The following ZNF722 variants were observed in gnomAD, a reference collection of about 807,000 sequenced individuals.
ZNF722 encodes zinc finger protein 479 pseudogene.
the ZNF722 span, among the ~76,000 whole-genome samples, chr7:64,007,221 T>TG: frequency 0.41 from 54,401 of 133,752 alleles, 11,541 homozygotes; most frequent in Non-Finnish European, 0.47. Context: ...CATTTGTGTG[T>TG]TTGTGTGTGT....
chr7:64,005,050 G>T, the ZNF722 span, among the ~76,000 whole-genome samples: 2 of 151,998 alleles, frequency 1.3e-5, no homozygotes, highest in African/African-American at 4.8e-5. Flanking sequence ...GACATGTCCC[G>T]CACTTTGGGA....
the ZNF722 span, among the ~76,000 whole-genome samples, chr7:64,000,459 T>TTTTTTTTTTTTTG: frequency 8.4e-6 from 1 of 119,224 alleles, no homozygotes; most frequent in Non-Finnish European, 1.7e-5. Context: ...TTTTTTTTTT[T>TTTTTTTTTTTTTG]TTTTTTTTTG....
chr7:64,009,788 T>C, the ZNF722 span, among the ~76,000 whole-genome samples: 1 of 152,220 alleles, frequency 6.6e-6, no homozygotes, highest in Admixed American at 6.5e-5. Context: ...CCTCTTTTTC[T>C]ATTGATTGGA....
the ZNF722 span, among the ~76,000 whole-genome samples, chr7:64,010,571 C>A: frequency 6.6e-6 from 1 of 152,158 alleles, no homozygotes; most frequent in African/African-American, 2.4e-5. Flanking sequence ...GTTTCTTAAT[C>A]CTGAGTTCTA....
the ZNF722 span, chr7:64,015,778 C>T: frequency 6.2e-7 from 1 of 1,612,684 alleles, no homozygotes; most frequent in Non-Finnish European, 8.5e-7. Flanking sequence ...AACTGCTCCT[C>T]AACCCTTAAG....
chr7:64,014,054 A>C, the ZNF722 span, among the ~76,000 whole-genome samples: 2 of 151,588 alleles, frequency 1.3e-5, no homozygotes, highest in Non-Finnish European at 2.9e-5. Context: ...GCAGCTCCCA[A>C]GATTATCTTC....
chr7:64,005,291 C>G, the ZNF722 span, among the ~76,000 whole-genome samples: 1 of 151,840 alleles, frequency 6.6e-6, no homozygotes, highest in Non-Finnish European at 1.5e-5. Context: ...CAGAGTGAAA[C>G]TCGGTCTCAA....
At chr7:64,007,230 G>GTGTATATATATATATA in the ZNF722 span, among the ~76,000 whole-genome samples, 48 of 138,492 alleles carry the variant, frequency 3.5e-4, 1 homozygote, top group African/African-American at 6.7e-4. Context: ...GTTTGTGTGT[G>GTGTATATATATATATA]TATATATATA....
At chr7:64,003,926 A>T in the ZNF722 span, among the ~76,000 whole-genome samples, 1 of 152,148 alleles carries the variant, frequency 6.6e-6, no homozygotes, top group South Asian at 2.1e-4. Flanking sequence ...GCAGGACAGG[A>T]TTTAGAAAAT....
At chr7:64,005,652 T>C in the ZNF722 span, 1 of 1,365,252 alleles carries the variant, frequency 7.3e-7, no homozygotes, top group Non-Finnish European at 1.0e-6. Flanking sequence ...GAATTCTCTC[T>C]GGAGGAGTGG....
At chr7:64,006,672 AT>A in the ZNF722 span, among the ~76,000 whole-genome samples, 3 of 151,672 alleles carry the variant, frequency 2.0e-5, no homozygotes, top group Non-Finnish European at 4.4e-5. Context: ...TATTTATAAA[AT>A]TTTTTTTGCA....
the ZNF722 span, among the ~76,000 whole-genome samples, chr7:64,016,937 GA>G: frequency 6.6e-6 from 1 of 152,140 alleles, no homozygotes. Flanking sequence ...CTACAAATAT[GA>G]AATGAAGAAT....
chr7:64,009,375 G>C, the ZNF722 span, among the ~76,000 whole-genome samples: 1 of 152,106 alleles, frequency 6.6e-6, no homozygotes, highest in Admixed American at 6.5e-5. Context: ...TACTTTCTGT[G>C]GGTTTGTCAT....
chr7:64,015,281 C>T, the ZNF722 span: 1 of 1,241,336 alleles, frequency 8.1e-7, no homozygotes, highest in East Asian at 2.3e-5. Flanking sequence ...TTTCAAATTG[C>T]AATAGACATG....
the ZNF722 span, chr7:64,015,837 T>A: frequency 6.2e-7 from 1 of 1,604,422 alleles, no homozygotes; most frequent in African/African-American, 1.3e-5. Context: ...ATGTGAAGAA[T>A]GTGACAAAGC....
At chr7:64,015,720 C>G in the ZNF722 span, 1 of 1,613,668 alleles carries the variant, frequency 6.2e-7, no homozygotes, top group South Asian at 1.1e-5. Flanking sequence ...CAAGAGAATT[C>G]ATACTGGAGA....
chr7:63,999,405 G>A, the ZNF722 span, among the ~76,000 whole-genome samples: 2 of 152,150 alleles, frequency 1.3e-5, no homozygotes, highest in African/African-American at 2.4e-5. Flanking sequence ...AGGTGTATGG[G>A]AGTCACTGTA....
the ZNF722 span, among the ~76,000 whole-genome samples, chr7:64,004,175 C>A: frequency 1.3e-5 from 2 of 150,212 alleles, no homozygotes; most frequent in African/African-American, 4.9e-5. Flanking sequence ...CCAAGGCAGG[C>A]GGATCATGTG....
At chr7:64,002,323 C>A in the ZNF722 span, among the ~76,000 whole-genome samples, 1 of 152,224 alleles carries the variant, frequency 6.6e-6, no homozygotes, top group East Asian at 1.9e-4. Context: ...TGAGATCTAA[C>A]TTTTTGATGT....
Sources: allele counts gnomAD v4.1 joint callset (sites outside exome capture counted in the v4.1 genomes callset), GRCh38; gene constraint gnomAD v4.1.1; transcripts MANE v1.5; gene names NCBI Gene and HGNC (gene_info 2026-07-23, HGNC 2026-07-21).